CTNNA3: variants seen among roughly 807,000 people sequenced by gnomAD.
CTNNA3 encodes catenin alpha-3.
Under a neutral mutation model 95.7 loss-of-function variants are expected in CTNNA3, and 76 were observed. The ratio of observed to expected loss-of-function variants is 0.79; its 90% CI spans 0.66 to 0.96. The LOEUF (loss-of-function observed/expected upper bound fraction) is 0.96. Among genes scored for constraint, CTNNA3 ranks in the 40% least tolerant of loss-of-function variants. The probability of loss-of-function intolerance (pLI) is 0.00; values close to 1 mark genes in which losing one functional copy is unlikely to be tolerated. For synonymous variants in CTNNA3, 431 were observed against 374.4 expected (o/e 1.15, Z -1.74); for missense variants, 1,191 against 1,089.8 (o/e 1.09, Z -1.31).
intron 12 of CTNNA3, among the ~76,000 whole-genome samples, chr10:66,367,873 TAATA>T (rs1564903172): frequency 3.6e-3 from 70 of 19,214 alleles, no homozygotes; most frequent in African/African-American, 9.1e-3. Flanking sequence ...ATAATAATAA[TAATA>T]ATAATTATTA....
chr10:66,047,077 T>A (rs1423688820), intron 15 of CTNNA3, among the ~76,000 whole-genome samples: 1 of 152,110 alleles, frequency 6.6e-6, no homozygotes, highest in Non-Finnish European at 1.5e-5. Flanking sequence ...CCATTCCTAC[T>A]GAAACTATTC....
chr10:66,297,670 T>A (rs2091800922), intron 12 of CTNNA3, among the ~76,000 whole-genome samples: 1 of 152,176 alleles, frequency 6.6e-6, no homozygotes, highest in African/African-American at 2.4e-5. Context: ...AAAAGAGATG[T>A]TTCTTATTGT....
At chr10:67,209,277 A>C (rs1189871116) in intron 6 of CTNNA3, among the ~76,000 whole-genome samples, 1 of 152,042 alleles carries the variant, frequency 6.6e-6, no homozygotes, top group African/African-American at 2.4e-5. Context: ...TCGACCTCCT[A>C]ACCTCAGGTG....
At chr10:67,006,299 A>C (rs1851984617) in intron 7 of CTNNA3, among the ~76,000 whole-genome samples, 1 of 152,102 alleles carries the variant, frequency 6.6e-6, no homozygotes, top group Non-Finnish European at 1.5e-5. Flanking sequence ...TGGTGTGATA[A>C]AGAGGTATGC....
intron 3 of CTNNA3, among the ~76,000 whole-genome samples, chr10:67,577,861 G>A (rs992530553): frequency 2.7e-5 from 4 of 150,856 alleles, no homozygotes; most frequent in African/African-American, 9.8e-5. Context: ...CATTTGGGTA[G>A]ATATTCAGTA....
chr10:67,655,586 G>A (rs1167962576), intron 1 of CTNNA3, among the ~76,000 whole-genome samples: 2 of 152,156 alleles, frequency 1.3e-5, no homozygotes, highest in African/African-American at 4.8e-5. Flanking sequence ...CCTGAGGTCA[G>A]GAGTTCAGGA....
chr10:67,657,133 G>A (rs1840047161), intron 1 of CTNNA3, among the ~76,000 whole-genome samples: 1 of 152,140 alleles, frequency 6.6e-6, no homozygotes, highest in South Asian at 2.1e-4. Context: ...ATTAAACATA[G>A]GCTAGAGAGA....
intron 13 of CTNNA3, among the ~76,000 whole-genome samples, chr10:66,186,661 T>C (rs1012006540): frequency 1.3e-5 from 2 of 152,150 alleles, no homozygotes; most frequent in East Asian, 1.9e-4. Context: ...ACTGGTTTTA[T>C]GGTTTTATCC....
intron 9 of CTNNA3, among the ~76,000 whole-genome samples, chr10:66,662,281 T>A (rs1168685534): frequency 2.0e-5 from 3 of 152,200 alleles, no homozygotes; most frequent in Non-Finnish European, 4.4e-5. Context: ...AAGACATACA[T>A]TCTTGCAATG....
intron 12 of CTNNA3, among the ~76,000 whole-genome samples, chr10:66,333,076 C>G (rs1368601351): frequency 2.6e-5 from 4 of 151,316 alleles, no homozygotes; most frequent in African/African-American, 4.9e-5. Context: ...TGGTGATATC[C>G]CCTTTATCAT....
intron 14 of CTNNA3, among the ~76,000 whole-genome samples, chr10:66,075,191 A>G (rs940980280): frequency 6.6e-6 from 1 of 151,810 alleles, no homozygotes; most frequent in Non-Finnish European, 1.5e-5. Context: ...TACTGCATCA[A>G]ATATTGATAT....
rs373141010 is a variant in CTNNA3 at position 66,709,900 on chromosome 10, A to G, written c.1281+56364T>C. Among the ~76,000 whole-genome samples the G allele has an allele frequency of 5.3e-5, 8 of 152,312 alleles. No individual in the cohort carries two copies. In the South Asian group the frequency reaches 1.0e-3, roughly 20 times the overall value. ...ATGTGTAAATTTCGCTGTTGTAGTA[A>G]GAAATATACAATTATGATATTTGAA... On this transcript the variant is annotated intron_variant, in intron 9 of 17. Coordinates refer to ENST00000433211, the MANE Select transcript of CTNNA3 (RefSeq NM_013266.4).
chr10:66,723,203 G>A (rs1848681701), intron 9 of CTNNA3, among the ~76,000 whole-genome samples: 1 of 152,152 alleles, frequency 6.6e-6, no homozygotes, highest in Non-Finnish European at 1.5e-5. Flanking sequence ...AGCTGGTAAT[G>A]TCTCTCTCTT....
chr10:66,994,906 C>G (rs564238480), intron 7 of CTNNA3, among the ~76,000 whole-genome samples: 1 of 152,270 alleles, frequency 6.6e-6, no homozygotes, highest in South Asian at 2.1e-4. Flanking sequence ...CCAAATGCAA[C>G]AAGTGGAAAA....
chr10:67,521,769 C>T, intron 5 of CTNNA3, 73 bp downstream of exon 5: 1 of 1,554,822 alleles, frequency 6.4e-7, no homozygotes, highest in Non-Finnish European at 8.7e-7. Flanking sequence ...GACCCACCTG[C>T]ACCTCTGACA....
At chr10:67,467,281 C>A (rs971532310) in intron 5 of CTNNA3, among the ~76,000 whole-genome samples, 7 of 152,190 alleles carry the variant, frequency 4.6e-5, no homozygotes, top group Admixed American at 2.0e-4. Context: ...TTTGACTACA[C>A]ATTATTGTCT....
intron 3 of CTNNA3, among the ~76,000 whole-genome samples, chr10:67,577,061 A>G (rs1462995671): frequency 1.3e-5 from 2 of 150,900 alleles, no homozygotes; most frequent in Non-Finnish European, 2.9e-5. Flanking sequence ...TCCTTTGGGT[A>G]TATACCCAGT....
intron 11 of CTNNA3, among the ~76,000 whole-genome samples, chr10:66,402,399 A>C (rs1006233831): frequency 9.5e-5 from 9 of 95,186 alleles, no homozygotes; most frequent in African/African-American, 5.0e-4. Flanking sequence ...TACCAAAAAG[A>C]GTGTCAGGAA....
chr10:66,537,779 G>A (rs1335546204), intron 10 of CTNNA3, among the ~76,000 whole-genome samples: 1 of 151,674 alleles, frequency 6.6e-6, no homozygotes, highest in Non-Finnish European at 1.5e-5. Context: ...GCAATATAGT[G>A]AGACCCCCAT....
Sources: gnomAD v4.1 joint callset for allele counts (sites outside exome capture counted in the v4.1 genomes callset) on GRCh38, gnomAD v4.1.1 for gene constraint, MANE v1.5 for transcripts, NCBI Gene and HGNC (gene_info 2026-07-23, HGNC 2026-07-21) for gene names.